Variants in DCC observed in about 807,000 individuals in gnomAD.
DCC encodes DCC netrin 1 receptor.
Under a neutral mutation model 172.5 loss-of-function variants are expected in DCC, and 58 were observed. The ratio of observed to expected loss-of-function variants is 0.34; its 90% confidence interval spans 0.27 to 0.42. DCC has a LOEUF of 0.42. Ranked by LOEUF, DCC falls within the 10% of genes least tolerant of loss-of-function variation. DCC has a pLI of 1.00. For synonymous variants in DCC, 709 were observed against 644.5 expected (o/e 1.10, Z -1.52); for missense variants, 1,740 against 1,791.0 (o/e 0.97, Z 0.51).
At chr18:53,072,324 A>AACTTCT (rs1451192814) in intron 7 of DCC, among the ~76,000 whole-genome samples, 1 of 152,202 alleles carries the variant, frequency 6.6e-6, no homozygotes, top group Non-Finnish European at 1.5e-5. Context: ...CCTGTTTGGT[A>AACTTCT]GCTGAGTGGA....
chr18:53,098,595 A>G (rs746574913), intron 7 of DCC, among the ~76,000 whole-genome samples: 9 of 152,196 alleles, frequency 5.9e-5, no homozygotes, highest in Non-Finnish European at 1.2e-4. Context: ...TTCTCATTGC[A>G]TCACATTGGG....
At position 52,373,639 on chromosome 18, in the gene DCC, G is replaced by A. The variant is rs1598871596; in HGVS notation, c.91+32761G>A. Among the ~76,000 whole-genome samples, 7 of 152,114 alleles carry A rather than the reference G, an allele frequency of 4.6e-5. No homozygotes were observed. The South Asian group carries it at 1.5e-3, about 32-fold the overall frequency. ...GTTGATAACAGCCATTACATGTGAAGGTTAGAGCTCTCTCTCTCTCTCTCT... is the reference window on the plus strand; with the variant it reads ...GTTGATAACAGCCATTACATGTGAAAGTTAGAGCTCTCTCTCTCTCTCTCT... On this transcript the variant is annotated intron_variant, in intron 1 of 28. Coordinates refer to ENST00000442544, the MANE Select transcript of DCC (RefSeq NM_005215.4).
At chr18:53,184,769 G>A (rs1398607280) in intron 9 of DCC, among the ~76,000 whole-genome samples, 1 of 152,148 alleles carries the variant, frequency 6.6e-6, no homozygotes, top group Non-Finnish European at 1.5e-5. Context: ...ACATTGTTAT[G>A]TGACACTTGG....
intron 15 of DCC, among the ~76,000 whole-genome samples, chr18:53,357,942 T>A (rs2057896108): frequency 6.6e-6 from 1 of 152,208 alleles, no homozygotes; most frequent in Non-Finnish European, 1.5e-5. Flanking sequence ...AGAGAATCCC[T>A]GCTTATTCTT....
intron 1 of DCC, among the ~76,000 whole-genome samples, chr18:52,425,074 AT>A (rs1175319522): frequency 2.0e-5 from 3 of 151,862 alleles, no homozygotes; most frequent in East Asian, 1.9e-4. Context: ...CTAATCATCC[AT>A]TTTTTTCCTA....
chr18:53,447,156 A>G (rs1045981277), intron 22 of DCC, among the ~76,000 whole-genome samples: 4 of 152,230 alleles, frequency 2.6e-5, no homozygotes, highest in African/African-American at 9.6e-5. Flanking sequence ...TGTTTCCTCT[A>G]GAAGTAATCA....
intron 1 of DCC, among the ~76,000 whole-genome samples, chr18:52,580,321 G>A (rs28373830): frequency 0.1 from 15,168 of 152,164 alleles, 1,318 homozygotes; most frequent in East Asian, 0.39. Flanking sequence ...GCAGTGGCGC[G>A]ATCTCGGCTC....
Position 53,531,339 on chromosome 18 carries a change from TA to T in DCC, c.*691del, listed in dbSNP as rs1382392931. On this transcript the variant is annotated 3_prime_UTR_variant, in exon 29 of 29. Transcript: ENST00000442544. ...TATGTATGTCTGGAGTCCAGGAATA[TA>T]AAAATCTGCAACTAGTGGCATTCTG... 6.4e-5 allele frequency: 10 copies of T among 155,072 alleles called. No individual in the cohort carries two copies. The highest frequency in any genetic ancestry group is 1.9e-4 in the Admixed American group (3 of 15,864). The allele number at this position is 155,072 out of a possible 1,614,324, so 9.6% of individuals were successfully genotyped here.
chr18:52,543,480 C>A (rs775685011), intron 1 of DCC, among the ~76,000 whole-genome samples: 1 of 152,112 alleles, frequency 6.6e-6, no homozygotes, highest in African/African-American at 2.4e-5. Flanking sequence ...AGAATAAAAA[C>A]CAACCTTGAA....
At chr18:52,723,393 C>T (rs1459205898) in intron 1 of DCC, among the ~76,000 whole-genome samples, 1 of 152,162 alleles carries the variant, frequency 6.6e-6, no homozygotes, top group Non-Finnish European at 1.5e-5. Context: ...CTGTTGTTGC[C>T]TACTAGGATA....
chr18:52,761,657 C>A (rs537253793), intron 2 of DCC, among the ~76,000 whole-genome samples: 1 of 152,006 alleles, frequency 6.6e-6, no homozygotes, highest in South Asian at 2.1e-4. Context: ...AACCCATGCA[C>A]ACACACACAC....
chr18:52,415,014 G>A (rs1402987868), intron 1 of DCC, among the ~76,000 whole-genome samples: 1 of 152,152 alleles, frequency 6.6e-6, no homozygotes, highest in Admixed American at 6.5e-5. Flanking sequence ...AAATCTGTGC[G>A]TCTACATTCT....
chr18:53,312,358 A>AG (rs1419685611), intron 13 of DCC, among the ~76,000 whole-genome samples: 149 of 141,210 alleles, frequency 1.1e-3, no homozygotes, highest in African/African-American at 3.8e-3. Flanking sequence ...AAAAAAAAAA[A>AG]AAAAAGAAAA....
intron 1 of DCC, among the ~76,000 whole-genome samples, chr18:52,407,216 C>T (rs1452727199): frequency 6.6e-6 from 1 of 152,024 alleles, no homozygotes; most frequent in Non-Finnish European, 1.5e-5. Context: ...TGAGTCTATC[C>T]TACAGTCAGT....
chr18:52,883,606 T>C (rs1466687975), intron 2 of DCC, among the ~76,000 whole-genome samples: 1 of 152,058 alleles, frequency 6.6e-6, no homozygotes, highest in African/African-American at 2.4e-5. Context: ...CTCTACACTT[T>C]GTCTCCTTGC....
intron 9 of DCC, among the ~76,000 whole-genome samples, chr18:53,202,468 A>G (rs1236050122): frequency 5.9e-5 from 9 of 152,230 alleles, no homozygotes. Context: ...CTAAGTGTCA[A>G]CAAGTAAATG....
intron 5 of DCC, among the ~76,000 whole-genome samples, chr18:53,056,893 T>C (rs1042964317): frequency 1.3e-5 from 2 of 151,860 alleles, no homozygotes; most frequent in African/African-American, 4.8e-5. Context: ...AACTGCATGG[T>C]TTTAAAAATG....
chr18:53,337,651 A>G (rs768615618), intron 14 of DCC, among the ~76,000 whole-genome samples: 44 of 149,960 alleles, frequency 2.9e-4, no homozygotes, highest in African/African-American at 9.9e-4. Flanking sequence ...TCTTTGGGGG[A>G]AAAAAAAGCA....
intron 1 of DCC, among the ~76,000 whole-genome samples, chr18:52,439,174 T>TTTTGTGTGTGTG (rs74178668): frequency 1.4e-5 from 2 of 144,750 alleles, no homozygotes; most frequent in Admixed American, 1.4e-4. Context: ...AAGATATGTT[T>TTTTGTGTGTGTG]TGTGTGTGTG....
Sources: allele counts gnomAD v4.1 joint callset (sites outside exome capture counted in the v4.1 genomes callset), GRCh38; gene constraint gnomAD v4.1.1; transcripts MANE v1.5; gene names NCBI Gene and HGNC (gene_info 2026-07-23, HGNC 2026-07-21).